The following LRCH3 variants were observed in gnomAD, a reference collection of about 807,000 sequenced individuals.
LRCH3 encodes leucine rich repeats and calponin homology domain containing 3.
In LRCH3, 68 loss-of-function variants were observed where a neutral mutation model predicts 104.5. That is an observed-to-expected ratio of 0.65 (90% CI 0.54 to 0.80). LRCH3 has a LOEUF of 0.80. LRCH3 is among the 30% of genes least tolerant of loss of function. The pLI is 0.00. For missense variants in LRCH3, 951 were observed against 953.9 expected, an observed-to-expected ratio of 1.00 and a Z score of 0.04; for synonymous variants, 344 against 361.3, an observed-to-expected ratio of 0.95 and a Z score of 0.54.
Position 197,849,980 on chromosome 3 carries a change from A to G in LRCH3, c.1530+1959A>G, listed in dbSNP as rs148479662. Among the ~76,000 whole-genome samples, 70 of 152,346 alleles carry G rather than the reference A, an allele frequency of 4.6e-4. 1 individual carries two copies. In the East Asian group the frequency reaches 0.012, roughly 26 times the overall value. ...CAAGACAGTAGAAGACTTAGAGAAC[A>G]AGTATCATCAGAATTGACCTCAAAA... On this transcript the variant is annotated intron_variant, in intron 12 of 20. Transcript: ENST00000425562.
chr3:197,856,596 A>G lies in LRCH3; in HGVS notation c.1644+2151A>G, dbSNP rs1740278013. ...GAGTCAGGGTCTCACTGTGTTGCCC[A>G]GGCTGGTCTCTAACTCCAGGGCTCA... On this transcript the variant is annotated intron_variant, in intron 14 of 20. Coordinates refer to ENST00000425562, the MANE Select transcript of LRCH3 (RefSeq NM_001365715.1). The surrounding 1 kb of genome is among the most constrained non-coding windows in gnomAD (Gnocchi z 4.2). Among the ~76,000 whole-genome samples the G allele has an allele frequency of 1.3e-5, 2 of 152,016 alleles. No homozygotes were observed. The highest frequency in any genetic ancestry group is 4.8e-5 in the African/African-American group (2 of 41,398).
At chr3:197,835,031 C>T (rs1388568712) in intron 8 of LRCH3, among the ~76,000 whole-genome samples, 7 of 152,044 alleles carry the variant, frequency 4.6e-5, no homozygotes, top group Non-Finnish European at 1.0e-4. Context: ...GTAATCCCAG[C>T]TACTTGGGAG....
intron 1 of LRCH3, among the ~76,000 whole-genome samples, chr3:197,800,689 G>GTA (rs542328482): frequency 6.2e-4 from 94 of 152,322 alleles, no homozygotes; most frequent in Middle Eastern, 6.8e-3. Context: ...AAAGTTGTGT[G>GTA]TATGTATACC....
intron 8 of LRCH3, among the ~76,000 whole-genome samples, chr3:197,835,303 C>T (rs1403452348): frequency 4.0e-5 from 6 of 151,690 alleles, no homozygotes; most frequent in Non-Finnish European, 8.8e-5. Flanking sequence ...CTTGTCTCAG[C>T]CTCCCGAGTA....
intron 10 of LRCH3, among the ~76,000 whole-genome samples, chr3:197,844,332 C>T (rs1437110531): frequency 6.6e-6 from 1 of 152,122 alleles, no homozygotes; most frequent in African/African-American, 2.4e-5. Context: ...GAAAAACAAA[C>T]TGAGTGGGGT....
chr3:197,803,995 C>T (rs1317624908), intron 1 of LRCH3, among the ~76,000 whole-genome samples: 2 of 152,180 alleles, frequency 1.3e-5, no homozygotes, highest in East Asian at 1.9e-4. Context: ...TGGTGGCTCA[C>T]GCCTGTAATC....
intron 9 of LRCH3, among the ~76,000 whole-genome samples, chr3:197,837,776 G>A (rs923927175): frequency 3.3e-5 from 5 of 152,034 alleles, no homozygotes; most frequent in Admixed American, 3.3e-4. Context: ...GCTGGACATG[G>A]TGGCTCACAC....
chr3:197,881,839 C>T lies in LRCH3; in HGVS notation c.2209-1702C>T, dbSNP rs558624644. 3 of 985,388 alleles carry T rather than the reference C, an allele frequency of 3.0e-6. No individual in the cohort carries two copies. In the South Asian group the frequency reaches 1.4e-4, roughly 46 times the overall value. 61.0% of individuals were successfully genotyped at this position (985,388 alleles called of 1,614,324 possible). Reference sequence around the variant, plus strand: ...AATTCAGCCTGAGGGAGGAGCATAACATCTGGGTGTAGAATTCAGCCTGAG... The same window carrying T: ...AATTCAGCCTGAGGGAGGAGCATAATATCTGGGTGTAGAATTCAGCCTGAG... On this transcript the variant is annotated intron_variant, in intron 20 of 20. Coordinates refer to ENST00000425562, the MANE Select transcript of LRCH3 (RefSeq NM_001365715.1).
intron 19 of LRCH3, among the ~76,000 whole-genome samples, chr3:197,873,711 C>T (rs771761871): frequency 5.3e-5 from 8 of 151,984 alleles, no homozygotes; most frequent in Admixed American, 1.3e-4. Context: ...GGCAACAGAG[C>T]GAGACCCTGA....
chr3:197,791,968 G>T (rs1262104480), intron 1 of LRCH3, among the ~76,000 whole-genome samples: 2 of 152,114 alleles, frequency 1.3e-5, no homozygotes, highest in African/African-American at 4.8e-5. Flanking sequence ...TGTCAGGAAG[G>T]GTCGGTCTCA....
intron 13 of LRCH3, among the ~76,000 whole-genome samples, chr3:197,853,932 C>T (rs1480594635): frequency 2.6e-5 from 4 of 152,076 alleles, no homozygotes; most frequent in Non-Finnish European, 4.4e-5. Context: ...GTAATTCATT[C>T]TCAAGAAAAC....
chr3:197,842,108 G>T (rs978507208), intron 10 of LRCH3, among the ~76,000 whole-genome samples: 2 of 152,038 alleles, frequency 1.3e-5, no homozygotes, highest in African/African-American at 2.4e-5. Context: ...AAAGCGCTGG[G>T]ATTACAGGTG....
chr3:197,791,450 G>A lies in LRCH3; in HGVS notation c.172G>A (p.Val58Ile). Reference sequence around the variant, plus strand: ...CGATCGAGCCCTGGAGGAGGCGGCGGTCACTGGGGTGCTGAGCCTGAGCGG... The same window carrying A: ...CGATCGAGCCCTGGAGGAGGCGGCGATCACTGGGGTGCTGAGCCTGAGCGG... Reference protein sequence around the residue: ...SLDRALEEAAVTGVLSLSGRK... With the variant: ...SLDRALEEAAITGVLSLSGRK... Residue 58 changes from valine to isoleucine, a missense_variant, in exon 1 of 21, where the codon GTC (valine) becomes ATC (isoleucine). Coordinates refer to ENST00000425562, the MANE Select transcript of LRCH3 (RefSeq NM_001365715.1). 2 of 1,598,640 alleles carry A rather than the reference G, an allele frequency of 1.3e-6. No individual in the cohort carries two copies. The highest frequency in any genetic ancestry group is 1.7e-6 in the Non-Finnish European group (2 of 1,173,902).
chr3:197,854,258 A>C lies in LRCH3; in HGVS notation c.1591-134A>C. ...ATGCATGAATTCCAGATGATTGTGA[A>C]TGTGGTCCTCTATGTCAACGTCTTC... On this transcript the variant is annotated intron_variant, in intron 13 of 20. Transcript: ENST00000425562. The surrounding 1 kb of genome is among the most constrained non-coding windows in gnomAD (Gnocchi z 4.5). 1 of 761,718 alleles carries C rather than the reference A, an allele frequency of 1.3e-6. No individual in the cohort carries two copies. Among genetic ancestry groups the C allele is most frequent in the Non-Finnish European group, 2.4e-6 (1 of 424,564 alleles). 47.2% of individuals were successfully genotyped at this position (761,718 alleles called of 1,614,324 possible).
intron 1 of LRCH3, among the ~76,000 whole-genome samples, chr3:197,804,545 C>T (rs1732259521): frequency 6.6e-6 from 1 of 152,178 alleles, no homozygotes; most frequent in African/African-American, 2.4e-5. Flanking sequence ...TTATCTTGTC[C>T]TCACTCCTAT....
intron 1 of LRCH3, among the ~76,000 whole-genome samples, chr3:197,811,778 A>G (rs1733150626): frequency 6.6e-6 from 1 of 152,224 alleles, no homozygotes; most frequent in African/African-American, 2.4e-5. Context: ...GTTAAGAAGG[A>G]AAGAAGTTAC....
Position 197,885,382 on chromosome 3 carries a change from G to C in LRCH3, c.*1716G>C, listed in dbSNP as rs1168407194. ...TCTCAGCACTTTGGGAGGCTGAGGCGGGCAGATCACCTGAAGTTGGGAGTT... is the reference window on the plus strand; with the variant it reads ...TCTCAGCACTTTGGGAGGCTGAGGCCGGCAGATCACCTGAAGTTGGGAGTT... On this transcript the variant is annotated 3_prime_UTR_variant, in exon 21 of 21. Transcript: ENST00000425562. The C allele has an allele frequency of 6.6e-6, 1 of 151,990 alleles. No individual in the cohort carries two copies. The highest frequency in any genetic ancestry group is 6.6e-5 in the Admixed American group (1 of 15,260). The allele number at this position is 151,990 out of a possible 1,614,324, so 9.4% of individuals were successfully genotyped here.
At chr3:197,802,601 G>C (rs1446467570) in intron 1 of LRCH3, among the ~76,000 whole-genome samples, 1 of 152,008 alleles carries the variant, frequency 6.6e-6, no homozygotes, top group Non-Finnish European at 1.5e-5. Flanking sequence ...TTCTTCATAT[G>C]TTTGGTAGAA....
chr3:197,849,729 T>A (rs985251998), intron 12 of LRCH3, among the ~76,000 whole-genome samples: 4 of 152,160 alleles, frequency 2.6e-5, no homozygotes, highest in African/African-American at 9.7e-5. Context: ...TCATTTATAG[T>A]ACATTTGTTT....
Sources: allele counts gnomAD v4.1 joint callset (sites outside exome capture counted in the v4.1 genomes callset), GRCh38; gene constraint gnomAD v4.1.1; non-coding constraint Gnocchi (gnomAD v3.1); transcripts MANE v1.5; gene names NCBI Gene and HGNC (gene_info 2026-07-23, HGNC 2026-07-21).